The following LRRC18 variants were observed in gnomAD, a reference collection of about 807,000 sequenced individuals.
LRRC18 encodes the protein leucine-rich repeat-containing protein 18.
In LRRC18, 12 loss-of-function variants were observed where a neutral mutation model predicts 11.2. The observed-to-expected ratio is 1.07, with a 90% CI of 0.69 to 1.74. The LOEUF (loss-of-function observed/expected upper bound fraction) is 1.74, where lower values mean the gene tolerates loss of function less well. Among genes scored for constraint, LRRC18 ranks in the 40% most tolerant of loss-of-function variants. LRRC18 has a pLI of 0.00. For missense variants in LRRC18, 374 were observed against 330.5 expected, an observed-to-expected ratio of 1.13 and a Z score of -1.02; for synonymous variants, 155 against 130.6, an observed-to-expected ratio of 1.19 and a Z score of -1.27.
chr10:48,931,788 C>A, the LRRC18 span, among the ~76,000 whole-genome samples: 2 of 152,250 alleles, frequency 1.3e-5, no homozygotes, highest in African/African-American at 4.8e-5. Context: ...TATCTGAAAT[C>A]ATGACTGAAG....
upstream of LRRC18, among the ~76,000 whole-genome samples, chr10:48,918,481 AC>A (rs1838753700): frequency 6.6e-6 from 1 of 152,218 alleles, no homozygotes; most frequent in East Asian, 1.9e-4. Context: ...AGGAAGTAAG[AC>A]CATTACTTAT....
chr10:48,936,531 A>G, the LRRC18 span, among the ~76,000 whole-genome samples: 1 of 152,164 alleles, frequency 6.6e-6, no homozygotes, highest in East Asian at 1.9e-4. Context: ...GGTATGTAAA[A>G]CCGTATGAAA....
the LRRC18 span, among the ~76,000 whole-genome samples, chr10:48,923,496 G>GTATATATATATATATATATATATATA: frequency 0.011 from 702 of 62,916 alleles, 80 homozygotes; most frequent in African/African-American, 0.02. Flanking sequence ...ATAGTTTTTA[G>GTATATATATATATATATATATATATA]TATATATATA....
At chr10:48,919,176 TA>T (rs1232822993), upstream of LRRC18, among the ~76,000 whole-genome samples, 11 of 147,812 alleles carry the variant, frequency 7.4e-5, no homozygotes, top group East Asian at 5.9e-4. Flanking sequence ...ACTGACAATT[TA>T]AAAAAAAAAG....
chr10:48,939,426 C>T, the LRRC18 span, among the ~76,000 whole-genome samples: 20 of 152,288 alleles, frequency 1.3e-4, no homozygotes, highest in African/African-American at 4.3e-4. Context: ...CTGTCTTGCT[C>T]GGGGCCCCCC....
chr10:48,938,471 G>A, the LRRC18 span, among the ~76,000 whole-genome samples: 47 of 152,396 alleles, frequency 3.1e-4, no homozygotes, highest in African/African-American at 1.1e-3. Context: ...GCCACAGGCT[G>A]CTCTGCCAGC....
upstream of LRRC18, among the ~76,000 whole-genome samples, chr10:48,914,898 G>A (rs1463147944): frequency 1.3e-5 from 2 of 152,194 alleles, no homozygotes; most frequent in Non-Finnish European, 2.9e-5. Flanking sequence ...AAAGCTCATG[G>A]AGAATGCTGC....
the LRRC18 span, among the ~76,000 whole-genome samples, chr10:48,935,024 G>C: frequency 6.6e-6 from 1 of 152,148 alleles, no homozygotes; most frequent in Non-Finnish European, 1.5e-5. Context: ...CTGTTGCCTG[G>C]GCTTTGTAAA....
At chr10:48,913,287 C>T in intron 1 of LRRC18, 105 bp downstream of exon 3, 3 of 1,073,504 alleles carry the variant, frequency 2.8e-6, no homozygotes, top group Non-Finnish European at 2.7e-6. Flanking sequence ...GCTGAAAGAG[C>T]TGCTGCAGCC....
At chr10:48,913,350 C>A in intron 1 of LRRC18, 42 bp downstream of exon 3, 1 of 1,578,870 alleles carries the variant, frequency 6.3e-7, no homozygotes, top group Admixed American at 1.7e-5. Context: ...TCTTCCCTCC[C>A]TCTCTCTTTC....
the LRRC18 span, among the ~76,000 whole-genome samples, chr10:48,935,465 G>C: frequency 2.0e-5 from 3 of 152,176 alleles, no homozygotes; most frequent in African/African-American, 7.2e-5. Context: ...CTATGGCAAC[G>C]GCCAAGCGGA....
chr10:48,915,830 C>A (rs957809141), upstream of LRRC18, among the ~76,000 whole-genome samples: 1 of 152,204 alleles, frequency 6.6e-6, no homozygotes, highest in Admixed American at 6.5e-5. Context: ...TGTTCATTTA[C>A]ACAGGCCTTG....
chr10:48,925,631 G>T, the LRRC18 span, among the ~76,000 whole-genome samples: 1 of 152,196 alleles, frequency 6.6e-6, no homozygotes, highest in Non-Finnish European at 1.5e-5. Context: ...TTGCTAGAAA[G>T]GGACAGATTA....
chr10:48,914,143 C>T (rs778615169), exon 1 of LRRC18: 2 of 1,612,748 alleles, frequency 1.2e-6, no homozygotes, highest in African/African-American at 1.3e-5. Flanking sequence ...GGGCCTTTCT[C>T]ACCCTTAACC....
the LRRC18 span, among the ~76,000 whole-genome samples, chr10:48,922,444 A>G: frequency 6.6e-6 from 1 of 152,234 alleles, no homozygotes; most frequent in Non-Finnish European, 1.5e-5. Flanking sequence ...GGGGAAAAAA[A>G]CAAATCATAT....
At chr10:48,939,703 T>A in the LRRC18 span, among the ~76,000 whole-genome samples, 1 of 152,228 alleles carries the variant, frequency 6.6e-6, no homozygotes. Context: ...CACCTTCAGA[T>A]TAATATGATT....
At chr10:48,916,429 G>A (rs2133538434), upstream of LRRC18, among the ~76,000 whole-genome samples, 1 of 152,264 alleles carries the variant, frequency 6.6e-6, no homozygotes, top group South Asian at 2.1e-4. Flanking sequence ...AGGCCACCCT[G>A]TATCCCTGGA....
In LRRC18 at chr10:48,910,145, G is replaced by A. The variant is rs979367331; in HGVS notation, c.*92C>T. On this transcript the variant is annotated 3_prime_UTR_variant, in exon 2 of 2. Transcript: ENST00000374160. ...GCCTGGTTTCCAGAACATCTCACTTGCCACTCTGTCTTCTCCTAACTGGGG... is the reference window on the plus strand; with the variant it reads ...GCCTGGTTTCCAGAACATCTCACTTACCACTCTGTCTTCTCCTAACTGGGG... The A allele has an allele frequency of 4.2e-6, 5 of 1,203,866 alleles. No individual in the cohort carries two copies. In the Middle Eastern group the frequency reaches 5.7e-4, roughly 137 times the overall value. The allele number at this position is 1,203,866 out of a possible 1,614,324, so 74.6% of individuals were successfully genotyped here.
the LRRC18 span, among the ~76,000 whole-genome samples, chr10:48,930,866 CGT>C: frequency 6.6e-6 from 1 of 152,082 alleles, no homozygotes; most frequent in Non-Finnish European, 1.5e-5. Flanking sequence ...AACATTTGTC[CGT>C]GTGAGCCCTG....
Sources: gnomAD v4.1 joint callset for allele counts (sites outside exome capture counted in the v4.1 genomes callset) on GRCh38, gnomAD v4.1.1 for gene constraint, MANE v1.5 for transcripts, NCBI Gene and HGNC (gene_info 2026-07-23, HGNC 2026-07-21) for gene names.